Variants in KLF8 observed in about 807,000 individuals in gnomAD.
The protein encoded by KLF8 is KLF transcription factor 8.
KLF8 carries 10 observed loss-of-function variants against 18.2 expected under a neutral mutation model. The ratio of observed to expected loss-of-function variants is 0.55; its 90% CI spans 0.34 to 0.93. The LOEUF (loss-of-function observed/expected upper bound fraction) is 0.93, where lower values mean the gene tolerates loss of function less well. Among genes scored for constraint, KLF8 ranks in the 40% least tolerant of loss-of-function variants. KLF8 has a pLI of 0.02. For synonymous variants in KLF8, 109 were observed against 97.3 expected, an observed-to-expected ratio of 1.12 and a Z score of -0.71; for missense variants, 264 against 277.9, an observed-to-expected ratio of 0.95 and a Z score of 0.36.
chrX:56,172,491 A>C, the KLF8 span, among the ~76,000 whole-genome samples: 2 of 111,703 alleles, frequency 1.8e-5, no homozygotes, highest in East Asian at 5.6e-4. Flanking sequence ...ACATTTTCTT[A>C]ATCCAGTCTA....
chrX:56,062,564 G>T, the KLF8 span, among the ~76,000 whole-genome samples: 1 of 112,196 alleles, frequency 8.9e-6, no homozygotes, highest in Non-Finnish European at 1.9e-5. Flanking sequence ...CTGTTAGTCT[G>T]ATGGCCTTCT....
the KLF8 span, among the ~76,000 whole-genome samples, chrX:55,964,813 C>T: frequency 9.0e-6 from 1 of 111,286 alleles, no homozygotes; most frequent in East Asian, 2.8e-4. Flanking sequence ...AGAACATATT[C>T]GTGAATTCCT....
chrX:56,021,599 T>C, the KLF8 span, among the ~76,000 whole-genome samples: 11 of 110,253 alleles, frequency 1.0e-4, no homozygotes, highest in African/African-American at 3.6e-4. Flanking sequence ...TTTTTTTTTT[T>C]ACATAACTCC....
chrX:56,179,531 A>T, the KLF8 span, among the ~76,000 whole-genome samples: 1 of 111,899 alleles, frequency 8.9e-6, no homozygotes, highest in Non-Finnish European at 1.9e-5. Context: ...CACTATGTTG[A>T]ATAGGAGTGG....
the KLF8 span, among the ~76,000 whole-genome samples, chrX:55,925,427 C>T: frequency 8.1e-5 from 9 of 110,509 alleles, no homozygotes; most frequent in South Asian, 1.1e-3. Context: ...CACACACACA[C>T]TACATATTAT....
the KLF8 span, among the ~76,000 whole-genome samples, chrX:56,144,906 C>A: frequency 1.9e-5 from 2 of 107,832 alleles, no homozygotes; most frequent in Non-Finnish European, 3.8e-5. Flanking sequence ...GATTCTCCTG[C>A]CTTAGCCTCC....
chrX:55,931,134 G>A, the KLF8 span, among the ~76,000 whole-genome samples: 2 of 111,613 alleles, frequency 1.8e-5, no homozygotes, highest in African/African-American at 3.3e-5. Flanking sequence ...GTGTGTTTGT[G>A]TGTCCAGGAG....
the KLF8 span, among the ~76,000 whole-genome samples, chrX:55,977,769 T>A: frequency 9.0e-6 from 1 of 111,539 alleles, no homozygotes; most frequent in Non-Finnish European, 1.9e-5. Context: ...TGTTTTAAGA[T>A]CACTTGCACT....
chrX:55,951,271 T>C, the KLF8 span, among the ~76,000 whole-genome samples: 1 of 105,553 alleles, frequency 9.5e-6, no homozygotes, highest in Admixed American at 1.0e-4. Flanking sequence ...AGGTCAGGAG[T>C]TTGAGACCAG....
chrX:56,130,915 C>G, the KLF8 span, among the ~76,000 whole-genome samples: 17 of 111,566 alleles, frequency 1.5e-4, no homozygotes, highest in African/African-American at 5.5e-4. Flanking sequence ...CTTCAGTGCT[C>G]AAACACAAGG....
chrX:55,955,167 GA>G, the KLF8 span, among the ~76,000 whole-genome samples: 2 of 111,077 alleles, frequency 1.8e-5, no homozygotes, highest in African/African-American at 6.5e-5. Flanking sequence ...TGTTAAAGAG[GA>G]AAAAAGGTGA....
chrX:55,934,971 G>A, the KLF8 span, among the ~76,000 whole-genome samples: 11 of 111,655 alleles, frequency 9.9e-5, no homozygotes, highest in South Asian at 3.4e-3. Flanking sequence ...TATAGTTGAA[G>A]GGGAGCCATA....
intron 2 of KLF8, among the ~76,000 whole-genome samples, chrX:56,254,885 A>G (rs1294523461): frequency 9.0e-6 from 1 of 111,248 alleles, no homozygotes; most frequent in Non-Finnish European, 1.9e-5. Context: ...GGAAAAGGCA[A>G]CATTCAAGCA....
chrX:55,979,526 T>C, the KLF8 span, among the ~76,000 whole-genome samples: 1 of 112,146 alleles, frequency 8.9e-6, no homozygotes, highest in South Asian at 3.7e-4. Context: ...AGACTTTGTA[T>C]GTTTTGATTG....
At chrX:56,222,184 T>G in the KLF8 span, among the ~76,000 whole-genome samples, 1 of 110,670 alleles carries the variant, frequency 9.0e-6, no homozygotes, top group Non-Finnish European at 1.9e-5. Context: ...ATAAAGATTC[T>G]CCAAGTCCCC....
At chrX:55,914,886 A>T in the KLF8 span, among the ~76,000 whole-genome samples, 1 of 111,517 alleles carries the variant, frequency 9.0e-6, no homozygotes, top group Non-Finnish European at 1.9e-5. Context: ...GAGGAACACT[A>T]TACCCGAAAG....
intron 1 of KLF8, among the ~76,000 whole-genome samples, chrX:56,240,188 G>A (rs1201028780): frequency 1.8e-5 from 2 of 112,147 alleles, no homozygotes; most frequent in Non-Finnish European, 3.8e-5. Flanking sequence ...GATGTGTAGC[G>A]TTGAATTGGC....
the KLF8 span, chrX:55,908,748 C>T: frequency 1.1e-5 from 3 of 283,224 alleles, no homozygotes; most frequent in Admixed American, 6.3e-5. Context: ...CCCCGTCGGC[C>T]CAGGCCCCGG....
the KLF8 span, among the ~76,000 whole-genome samples, chrX:56,045,296 A>T: frequency 8.9e-6 from 1 of 111,884 alleles, no homozygotes; most frequent in Non-Finnish European, 1.9e-5. Context: ...TTTGGTGACT[A>T]GGGCCTTATA....
Sources: allele counts gnomAD v4.1 joint callset (sites outside exome capture counted in the v4.1 genomes callset), GRCh38; gene constraint gnomAD v4.1.1; transcripts MANE v1.5; gene names NCBI Gene and HGNC (gene_info 2026-07-23, HGNC 2026-07-21).